Variants in BBS7 observed in about 807,000 individuals in gnomAD.
BBS7 encodes Bardet-Biedl syndrome 7.
Under a neutral mutation model 90.3 loss-of-function variants are expected in BBS7, and 50 were observed. The observed-to-expected ratio is 0.55, with a 90% CI of 0.44 to 0.70. The LOEUF is 0.70. Among genes scored for constraint, BBS7 ranks in the 30% least tolerant of loss-of-function variants. The pLI is 0.00. For missense variants in BBS7, 729 were observed against 838.9 expected, an observed-to-expected ratio of 0.87 and a Z score of 1.62; for synonymous variants, 235 against 287.4, an observed-to-expected ratio of 0.82 and a Z score of 1.85.
chr4:121,862,142 T>C (rs1415945590), intron 3 of BBS7, among the ~76,000 whole-genome samples: 1 of 152,174 alleles, frequency 6.6e-6, no homozygotes, highest in Non-Finnish European at 1.5e-5. Flanking sequence ...TACACTTCAA[T>C]CATCTTTTAA....
At position 121,835,290 on chromosome 4, in the gene BBS7, C is replaced by T. The variant is rs1725397685; in HGVS notation, c.1372-7G>A. 1 of 1,613,230 alleles carries T rather than the reference C, an allele frequency of 6.2e-7. No individual in the cohort carries two copies. The highest frequency in any genetic ancestry group is 1.7e-5 in the Admixed American group (1 of 59,922). On this transcript the variant is annotated splice_polypyrimidine_tract_variant and splice_region_variant and intron_variant, in intron 13 of 18. Transcript: ENST00000264499. Reference sequence around the variant, plus strand: ...GGCCTTCAATTGAGCGAATCTGATTCAACACAAAAGAGGAAATAAAATAAG... The same window carrying T: ...GGCCTTCAATTGAGCGAATCTGATTTAACACAAAAGAGGAAATAAAATAAG...
intron 13 of BBS7, 55 bp from the exon 14 acceptor site, chr4:121,835,338 C>A: frequency 6.3e-7 from 1 of 1,590,376 alleles, no homozygotes; most frequent in Non-Finnish European, 8.6e-7. Flanking sequence ...CAAAACATAT[C>A]TTTAGAATGT....
intron 7 of BBS7, among the ~76,000 whole-genome samples, chr4:121,853,300 C>G (rs1726423147): frequency 6.6e-6 from 1 of 152,008 alleles, no homozygotes; most frequent in South Asian, 2.1e-4. Flanking sequence ...ACATTTATAT[C>G]TCCCTCCAGC....
chr4:121,861,824 A>G (rs957217230), intron 3 of BBS7, 145 bp from the exon 4 acceptor site: 7 of 785,930 alleles, frequency 8.9e-6, no homozygotes, highest in Middle Eastern at 3.7e-4. Flanking sequence ...TAATCTATAT[A>G]CTTCAGCAGG....
chr4:121,830,808 T>C (rs553045051), intron 15 of BBS7, among the ~76,000 whole-genome samples: 22 of 152,226 alleles, frequency 1.4e-4, no homozygotes, highest in Non-Finnish European at 2.6e-4. Flanking sequence ...TGAGTACCTA[T>C]TATGTGCAAA....
chr4:121,849,054 A>C, intron 8 of BBS7, 126 bp from the exon 9 acceptor site: 1 of 704,186 alleles, frequency 1.4e-6, no homozygotes, highest in South Asian at 1.6e-5. Flanking sequence ...GTTTATGTGC[A>C]GACACTCAGA....
intron 14 of BBS7, among the ~76,000 whole-genome samples, chr4:121,833,880 T>C (rs1055907873): frequency 2.0e-5 from 3 of 152,034 alleles, no homozygotes; most frequent in Non-Finnish European, 4.4e-5. Flanking sequence ...TTCTACTACA[T>C]AAACTACAAA....
Position 121,852,471 on chromosome 4 carries a change from T to A in BBS7, c.849+485A>T, listed in dbSNP as rs891266331. ...TTAATTACATTTAAAATTTGTGAAT[T>A]AAAATTACTTTTATCTAGTATTTCT... is the stretch of plus-strand genomic sequence containing the variant. On this transcript the variant is annotated intron_variant, in intron 8 of 18. Coordinates refer to ENST00000264499, the MANE Select transcript of BBS7 (RefSeq NM_176824.3). 5.5e-4 allele frequency among the ~76,000 whole-genome samples: 84 copies of A among 152,250 alleles called. 1 individual carries two copies. The highest frequency in any genetic ancestry group is 2.0e-3 in the African/African-American group (83 of 41,558).
intron 3 of BBS7, 66 bp downstream of exon 3, chr4:121,863,151 A>G: frequency 6.8e-7 from 1 of 1,478,080 alleles, no homozygotes; most frequent in Non-Finnish European, 9.4e-7. Flanking sequence ...TTAACCTAGT[A>G]TTATTCAATA....
At chr4:121,846,527 T>C (rs1486338771) in intron 10 of BBS7, among the ~76,000 whole-genome samples, 1 of 152,174 alleles carries the variant, frequency 6.6e-6, no homozygotes, top group Admixed American at 6.6e-5. Flanking sequence ...CTCATAAAGC[T>C]TACATTCCAG....
At chr4:121,861,047 C>G (rs1726946454) in intron 4 of BBS7, among the ~76,000 whole-genome samples, 1 of 152,094 alleles carries the variant, frequency 6.6e-6, no homozygotes, top group Non-Finnish European at 1.5e-5. Context: ...ATCTGAATTG[C>G]AAAATCTCAC....
At chr4:121,859,211 A>T in intron 4 of BBS7, 33 bp from the exon 5 acceptor site, 1 of 1,588,820 alleles carries the variant, frequency 6.3e-7, no homozygotes, top group South Asian at 1.1e-5. Context: ...TTTTAAAAAT[A>T]AGCACAGGTA....
intron 18 of BBS7, among the ~76,000 whole-genome samples, chr4:121,826,403 G>C (rs1160938521): frequency 2.6e-5 from 4 of 152,252 alleles, no homozygotes; most frequent in Admixed American, 2.0e-4. Flanking sequence ...CCATTCTTGG[G>C]ATTTGACTTG....
intron 7 of BBS7, among the ~76,000 whole-genome samples, chr4:121,854,499 C>T (rs981180634): frequency 1.3e-5 from 2 of 151,968 alleles, no homozygotes; most frequent in Admixed American, 1.3e-4. Context: ...CGTATCAATA[C>T]CAAATTACTA....
At chr4:121,858,274 A>T (rs768297965) in intron 5 of BBS7, among the ~76,000 whole-genome samples, 1 of 152,086 alleles carries the variant, frequency 6.6e-6, no homozygotes, top group African/African-American at 2.4e-5. Context: ...CAACTTTTTC[A>T]TCAACTGCAC....
At chr4:121,855,809 T>C (rs949068036) in intron 5 of BBS7, among the ~76,000 whole-genome samples, 3 of 151,056 alleles carry the variant, frequency 2.0e-5, no homozygotes, top group Non-Finnish European at 4.4e-5. Context: ...TACAGATATG[T>C]ACACACATGT....
Position 121,824,924 on chromosome 4 carries a change from T to TTA in BBS7, c.*935_*936insTA, listed in dbSNP as rs1724837511. Reference sequence around the variant, plus strand: ...CTTATTTTCCATTATCTGTATGCCATTTTAAAACCTTTCAATATTCCCTTG... The same window carrying TTA: ...CTTATTTTCCATTATCTGTATGCCATTATTTAAAACCTTTCAATATTCCCTTG... On this transcript the variant is annotated 3_prime_UTR_variant, in exon 19 of 19. Transcript: ENST00000264499. This position sits in a 1 kb window ranked among gnomAD's most constrained non-coding sequence, Gnocchi z 4.1. 6.6e-6 allele frequency: 1 copy of TTA among 152,154 alleles called. No individual in the cohort carries two copies. The highest frequency in any genetic ancestry group is 1.5e-5 in the Non-Finnish European group (1 of 68,016). 9.4% of individuals were successfully genotyped at this position (152,154 alleles called of 1,614,324 possible). A position where few individuals can be genotyped will look rare whatever the true frequency, so the allele number is the denominator to read the frequency against.
intron 15 of BBS7, among the ~76,000 whole-genome samples, chr4:121,829,542 G>A (rs960291893): frequency 1.3e-5 from 2 of 152,136 alleles, no homozygotes; most frequent in African/African-American, 2.4e-5. Context: ...ACAGGCGTGA[G>A]CCACCACGCC....
intron 2 of BBS7, among the ~76,000 whole-genome samples, chr4:121,867,020 G>A (rs1418660135): frequency 1.3e-5 from 2 of 152,080 alleles, no homozygotes; most frequent in Non-Finnish European, 2.9e-5. Context: ...GCTTTGGGTT[G>A]TATTGTTATT....
Sources: allele counts gnomAD v4.1 joint callset (sites outside exome capture counted in the v4.1 genomes callset), GRCh38; gene constraint gnomAD v4.1.1; non-coding constraint Gnocchi (gnomAD v3.1); transcripts MANE v1.5; gene names NCBI Gene and HGNC (gene_info 2026-07-23, HGNC 2026-07-21).